BRINP1: variants seen among roughly 807,000 people sequenced by gnomAD.
BRINP1 encodes BMP/retinoic acid inducible neural specific 1, also known as BMP/retinoic acid-inducible neural-specific protein 1.
In BRINP1, 17 loss-of-function variants were observed where a neutral mutation model predicts 72.9. The ratio of observed to expected loss-of-function variants is 0.23; its 90% confidence interval spans 0.16 to 0.35. BRINP1 has a LOEUF of 0.35. Among genes scored for constraint, BRINP1 ranks in the 10% least tolerant of loss-of-function variants. BRINP1 has a pLI of 1.00. For missense variants in BRINP1, 850 were observed against 1,001.6 expected, an observed-to-expected ratio of 0.85 and a Z score of 2.04; for synonymous variants, 418 against 378.5, an observed-to-expected ratio of 1.10 and a Z score of -1.21.
chr9:119,302,274 A>G (rs1830946172), intron 2 of BRINP1, among the ~76,000 whole-genome samples: 1 of 152,222 alleles, frequency 6.6e-6, no homozygotes, highest in Admixed American at 6.5e-5. Context: ...ACTGCAAAAA[A>G]TTAATAAGGA....
At chr9:119,239,363 G>T (rs748648980) in intron 4 of BRINP1, among the ~76,000 whole-genome samples, 5 of 152,204 alleles carry the variant, frequency 3.3e-5, no homozygotes, top group Non-Finnish European at 5.9e-5. Context: ...GAAGCATTGT[G>T]CTGCCACAGG....
At chr9:119,230,938 C>T (rs929817887) in intron 5 of BRINP1, among the ~76,000 whole-genome samples, 2 of 151,950 alleles carry the variant, frequency 1.3e-5, no homozygotes, top group African/African-American at 4.8e-5. Flanking sequence ...CTCTATCCTC[C>T]TTGCATTCAT....
chr9:119,254,398 G>A (rs1285226995), intron 2 of BRINP1, among the ~76,000 whole-genome samples: 1 of 152,032 alleles, frequency 6.6e-6, no homozygotes, highest in Non-Finnish European at 1.5e-5. Context: ...ATGAGGGAGG[G>A]ACCATAGGGC....
intron 7 of BRINP1, among the ~76,000 whole-genome samples, chr9:119,206,419 CAAAA>C (rs56106482): frequency 3.4e-5 from 3 of 87,168 alleles, no homozygotes; most frequent in African/African-American, 4.3e-5. Context: ...GACTCCATCT[CAAAA>C]AAAAAAAAAA....
intron 5 of BRINP1, among the ~76,000 whole-genome samples, chr9:119,220,299 A>G (rs1447794931): frequency 2.6e-5 from 4 of 152,148 alleles, no homozygotes; most frequent in Non-Finnish European, 4.4e-5. Flanking sequence ...GAGACCTTCA[A>G]CAACATTGAT....
intron 2 of BRINP1, among the ~76,000 whole-genome samples, chr9:119,255,832 G>A (rs796390954): frequency 2.6e-5 from 4 of 152,066 alleles, no homozygotes; most frequent in East Asian, 3.9e-4. Flanking sequence ...GCATGCGCCT[G>A]TAGTCCCAGC....
intron 3 of BRINP1, among the ~76,000 whole-genome samples, chr9:119,243,205 C>T (rs1284786101): frequency 1.3e-5 from 2 of 152,262 alleles, no homozygotes; most frequent in Admixed American, 6.5e-5. Context: ...TTTCCTAACG[C>T]TCCCCCACCC....
At chr9:119,202,109 G>C (rs1334572476) in intron 7 of BRINP1, among the ~76,000 whole-genome samples, 1 of 152,094 alleles carries the variant, frequency 6.6e-6, no homozygotes, top group East Asian at 1.9e-4. Flanking sequence ...GGATTCTGGT[G>C]GGCTTGAAGC....
At chr9:119,169,304 T>A (rs1461151521) in intron 7 of BRINP1, among the ~76,000 whole-genome samples, 1 of 152,200 alleles carries the variant, frequency 6.6e-6, no homozygotes, top group East Asian at 1.9e-4. Context: ...GGGCGAGGCA[T>A]TGCCTCACTT....
intron 2 of BRINP1, among the ~76,000 whole-genome samples, chr9:119,297,880 T>A (rs1830896761): frequency 6.6e-6 from 1 of 152,192 alleles, no homozygotes; most frequent in Non-Finnish European, 1.5e-5. Flanking sequence ...GAAAGAACTT[T>A]GTTCTGTCTG....
At chr9:119,218,785 A>G (rs1830008432) in intron 5 of BRINP1, among the ~76,000 whole-genome samples, 1 of 143,668 alleles carries the variant, frequency 7.0e-6, no homozygotes, top group African/African-American at 2.7e-5. Flanking sequence ...TTGAAACCCC[A>G]ATCTCCTTGT....
At chr9:119,238,828 C>T (rs1830217561) in intron 4 of BRINP1, 68 bp from the exon 5 acceptor site, 2 of 1,045,140 alleles carry the variant, frequency 1.9e-6, no homozygotes, top group Admixed American at 2.3e-5. Flanking sequence ...CCCAAAGAGT[C>T]ATGCCCCAGC....
intron 7 of BRINP1, among the ~76,000 whole-genome samples, chr9:119,180,637 A>G (rs1829545989): frequency 6.6e-6 from 1 of 152,204 alleles, no homozygotes; most frequent in African/African-American, 2.4e-5. Flanking sequence ...ATAACTGGCC[A>G]TCAGACTCAC....
At chr9:119,208,451 G>C (rs1249602660) in intron 7 of BRINP1, among the ~76,000 whole-genome samples, 1 of 152,156 alleles carries the variant, frequency 6.6e-6, no homozygotes, top group Non-Finnish European at 1.5e-5. Flanking sequence ...ATCAGGGCTA[G>C]TGTTCCCCTC....
In BRINP1 at chr9:119,242,837, C is replaced by T. The variant is rs1830268515; in HGVS notation, c.410-621G>A. 2.0e-5 allele frequency among the ~76,000 whole-genome samples: 3 copies of T among 152,162 alleles called. No individual in the cohort carries two copies. The South Asian group carries it at 6.2e-4, about 31-fold the overall frequency. The stretch of plus-strand genomic sequence containing the variant: ...TTCTTTTAAGTTTTTCTTAGACATG[C>T]ACACATAGATCAGTAACACTGCTAA... On this transcript the variant is annotated intron_variant, in intron 3 of 7. Transcript: ENST00000265922.
chr9:119,257,111 G>C (rs1185496267), intron 2 of BRINP1, among the ~76,000 whole-genome samples: 2 of 152,160 alleles, frequency 1.3e-5, no homozygotes, highest in Non-Finnish European at 2.9e-5. Context: ...CCTTGCAGCT[G>C]AAGGAAAAAG....
chr9:119,261,788 TCCTC>T (rs1216060199), intron 2 of BRINP1, among the ~76,000 whole-genome samples: 4 of 151,094 alleles, frequency 2.6e-5, no homozygotes, highest in Non-Finnish European at 5.9e-5. Flanking sequence ...CTTCCTTCCT[TCCTC>T]CCTCCCTTCC....
rs746052860 is a variant in BRINP1, at chr9:119,241,064, G to C, written c.579+983C>G. Among the ~76,000 whole-genome samples, 21 of 152,178 alleles carry C rather than the reference G, an allele frequency of 1.4e-4. 1 individual carries two copies. Among genetic ancestry groups the C allele is most frequent in the Non-Finnish European group, 1.5e-5 (1 of 68,024 alleles). Reference sequence around the variant, plus strand: ...GTCTGAATTTGTTGTGTTTAAAATGGAATCTTGTTAAAGTTCCTGTGCTCT... The same window carrying C: ...GTCTGAATTTGTTGTGTTTAAAATGCAATCTTGTTAAAGTTCCTGTGCTCT... On this transcript the variant is annotated intron_variant, in intron 4 of 7. Transcript: ENST00000265922.
At chr9:119,286,217 G>GT (rs1830759406) in intron 2 of BRINP1, among the ~76,000 whole-genome samples, 1 of 150,716 alleles carries the variant, frequency 6.6e-6, no homozygotes, top group South Asian at 2.1e-4. Flanking sequence ...CATCGAGAGT[G>GT]TTATCGCCAT....
Sources: allele counts gnomAD v4.1 joint callset (sites outside exome capture counted in the v4.1 genomes callset), GRCh38; gene constraint gnomAD v4.1.1; transcripts MANE v1.5; gene names NCBI Gene and HGNC (gene_info 2026-07-23, HGNC 2026-07-21).